Variants in GSE1 observed in about 807,000 individuals in gnomAD.
The protein encoded by GSE1 is Gse1 coiled-coil protein.
A neutral mutation model predicts 112.6 loss-of-function variants in GSE1; 32 were observed. That is an observed-to-expected ratio of 0.28 (90% CI 0.21 to 0.38). GSE1 has a LOEUF of 0.38. GSE1 is among the 10% of genes least tolerant of loss of function. GSE1 has a pLI of 1.00. For synonymous variants in GSE1, 1,115 were observed against 735.6 expected (o/e 1.52, Z -8.35); for missense variants, 2,348 against 1,699.2 (o/e 1.38, Z -6.71).
rs556907379 is a variant in GSE1 at position 85,178,190 on chromosome 16, G to T, written c.2283+6383G>T. 1.2e-4 allele frequency among the ~76,000 whole-genome samples: 19 copies of T among 152,300 alleles called. 1 individual carries two copies. The highest frequency in any genetic ancestry group is 1.2e-3 in the Admixed American group (18 of 15,300). On this transcript the variant is annotated intron_variant, in intron 1 of 2. Transcript: ENST00000637419. ...GCCTATGGCAGGGTGAGAAACAGGC[G>T]TGCACAGGGAAGACTTCCTGGAGGA...
intron 1 of GSE1, among the ~76,000 whole-genome samples, chr16:85,264,985 C>T (rs1597230063): frequency 1.3e-5 from 2 of 152,214 alleles, no homozygotes; most frequent in East Asian, 3.8e-4. Flanking sequence ...CACATCACGA[C>T]AGCCTGAGAG....
chr16:85,340,422 T>TTGAGG (rs548462415), intron 1 of GSE1, among the ~76,000 whole-genome samples: 53 of 152,156 alleles, frequency 3.5e-4, no homozygotes, highest in African/African-American at 1.2e-3. Context: ...GGAGGATCAC[T>TTGAGG]TGAGGTGAGG....
At chr16:85,342,055 G>T (rs1245322558) in intron 1 of GSE1, among the ~76,000 whole-genome samples, 1 of 152,046 alleles carries the variant, frequency 6.6e-6, no homozygotes, top group Non-Finnish European at 1.5e-5. Context: ...AGGTGGGATT[G>T]TGTCTGCAGG....
chr16:85,672,547 C>T lies in GSE1; in HGVS notation c.*8C>T, dbSNP rs778459562. ...AAGGGATATCCCAGGTGACGGTTTCCCTTGCACTAGGCCGAACCTATAGTA... is the reference window on the plus strand; with the variant it reads ...AAGGGATATCCCAGGTGACGGTTTCTCTTGCACTAGGCCGAACCTATAGTA... On this transcript the variant is annotated 3_prime_UTR_variant, in exon 16 of 16. Transcript: ENST00000253458. 2 of 1,595,066 alleles carry T rather than the reference C, an allele frequency of 1.3e-6. No homozygotes were observed. The highest frequency in any genetic ancestry group is 1.7e-6 in the Non-Finnish European group (2 of 1,165,474).
chr16:85,404,132 C>T (rs1211846109), intron 2 of GSE1, among the ~76,000 whole-genome samples: 2 of 131,458 alleles, frequency 1.5e-5, no homozygotes, highest in Non-Finnish European at 3.3e-5. Flanking sequence ...ACTCAGGGCC[C>T]CCCTGGATAA....
intron 1 of GSE1, among the ~76,000 whole-genome samples, chr16:85,341,852 G>T (rs1246158726): frequency 6.6e-6 from 1 of 152,058 alleles, no homozygotes. Flanking sequence ...AGGCTTTAGG[G>T]AATAAGGCCT....
At chr16:85,234,090 A>G (rs1277422371) in intron 1 of GSE1, among the ~76,000 whole-genome samples, 1 of 152,120 alleles carries the variant, frequency 6.6e-6, no homozygotes, top group African/African-American at 2.4e-5. Context: ...CATTTTAACA[A>G]CCATTGTAGG....
chr16:85,581,168 TC>T (rs1480389466), intron 1 of GSE1, among the ~76,000 whole-genome samples: 4 of 152,190 alleles, frequency 2.6e-5, no homozygotes, highest in African/African-American at 9.7e-5. Flanking sequence ...GGCTCCTCTC[TC>T]CGCAGCAGCT....
intron 1 of GSE1, among the ~76,000 whole-genome samples, chr16:85,575,489 C>T (rs560506118): frequency 9.9e-5 from 15 of 151,968 alleles, no homozygotes; most frequent in South Asian, 2.1e-4. Context: ...TCTCCCCTCT[C>T]GTCTCCCCTC....
chr16:85,532,783 G>C lies in GSE1; in HGVS notation c.2465-101131G>C, dbSNP rs145031893. On this transcript the variant is annotated intron_variant, in intron 2 of 2. Coordinates refer to the GSE1 transcript ENST00000637419. ...GCATACCTGCCACATGTGTATTTTG[G>C]AGTCACGCCTGTTCTTATATGTGAG... 7.7e-4 allele frequency among the ~76,000 whole-genome samples: 118 copies of C among 152,338 alleles called. 1 individual carries two copies. The highest frequency in any genetic ancestry group is 2.1e-3 in the African/African-American group (88 of 41,568).
intron 1 of GSE1, among the ~76,000 whole-genome samples, chr16:85,214,154 G>A (rs1038857449): frequency 5.3e-5 from 8 of 152,270 alleles, no homozygotes; most frequent in African/African-American, 1.7e-4. Flanking sequence ...CGTGCCCGCC[G>A]GCCTCTCCCT....
intron 1 of GSE1, among the ~76,000 whole-genome samples, chr16:85,623,700 G>A (rs1171612088): frequency 2.0e-5 from 3 of 152,186 alleles, no homozygotes; most frequent in Admixed American, 6.5e-5. Context: ...GTGGGCGTCC[G>A]CCCTGTTGGA....
chr16:85,623,961 G>A (rs2048902348), intron 1 of GSE1, among the ~76,000 whole-genome samples: 1 of 152,216 alleles, frequency 6.6e-6, no homozygotes, highest in East Asian at 1.9e-4. Flanking sequence ...CGGTACAGAA[G>A]GGACAGGCAT....
At chr16:85,480,941 G>T (rs1225138747) in intron 2 of GSE1, among the ~76,000 whole-genome samples, 3 of 152,238 alleles carry the variant, frequency 2.0e-5, no homozygotes, top group Non-Finnish European at 2.9e-5. Flanking sequence ...GGAGCAGCGC[G>T]TGCAGAACCG....
intron 1 of GSE1, among the ~76,000 whole-genome samples, chr16:85,299,586 T>G (rs1290636020): frequency 6.6e-6 from 1 of 152,226 alleles, no homozygotes. Flanking sequence ...GCCCTCTGCC[T>G]ACTCCGTTCT....
At chr16:85,492,495 G>T (rs1379524031) in intron 2 of GSE1, among the ~76,000 whole-genome samples, 1 of 152,176 alleles carries the variant, frequency 6.6e-6, no homozygotes, top group Non-Finnish European at 1.5e-5. Flanking sequence ...TGTTCTGAGG[G>T]CCTCACCCAC....
chr16:85,481,260 T>A (rs2050673982), intron 2 of GSE1, among the ~76,000 whole-genome samples: 1 of 152,244 alleles, frequency 6.6e-6, no homozygotes, highest in African/African-American at 2.4e-5. Flanking sequence ...AAAAGACACC[T>A]CCTTTTTTTG....
chr16:85,463,115 C>T, intron 2 of GSE1: 1 of 985,140 alleles, frequency 1.0e-6, no homozygotes, highest in Non-Finnish European at 1.2e-6. Context: ...CGTCTCTGCT[C>T]CAGAACCTCA....
intron 1 of GSE1, among the ~76,000 whole-genome samples, chr16:85,601,569 G>A (rs867374775): frequency 2.6e-4 from 40 of 152,284 alleles, no homozygotes; most frequent in African/African-American, 8.9e-4. Context: ...CACCTTCAGC[G>A]CGGGGCCGGC....
Sources: gnomAD v4.1 joint callset for allele counts (sites outside exome capture counted in the v4.1 genomes callset) on GRCh38, gnomAD v4.1.1 for gene constraint, MANE v1.5 for transcripts, NCBI Gene and HGNC (gene_info 2026-07-23, HGNC 2026-07-21) for gene names.